The following FYTTD1 variants were observed in gnomAD, a reference collection of about 807,000 sequenced individuals.
The protein encoded by FYTTD1 is UAP56-interacting factor.
FYTTD1 carries 22 observed loss-of-function variants against 40.9 expected under a neutral mutation model. The ratio of observed to expected loss-of-function variants is 0.54; its 90% CI spans 0.38 to 0.77. The LOEUF (loss-of-function observed/expected upper bound fraction) is 0.77. Among genes scored for constraint, FYTTD1 ranks in the 30% least tolerant of loss-of-function variants. The probability of loss-of-function intolerance (pLI) is 0.00; values close to 1 mark genes in which losing one functional copy is unlikely to be tolerated. For synonymous variants in FYTTD1, 140 were observed against 137.9 expected (o/e 1.01, Z -0.10); for missense variants, 351 against 392.2 (o/e 0.90, Z 0.89).
At chr3:197,759,489 C>T (rs1281496467) in intron 2 of FYTTD1, among the ~76,000 whole-genome samples, 1 of 150,578 alleles carries the variant, frequency 6.6e-6, no homozygotes. Context: ...TGGAGTTGTT[C>T]CTCAGTGGTA....
At chr3:197,775,405 T>C (rs1405244445) in intron 6 of FYTTD1, among the ~76,000 whole-genome samples, 1 of 152,206 alleles carries the variant, frequency 6.6e-6, no homozygotes, top group African/African-American at 2.4e-5. Flanking sequence ...AAGGGAATTG[T>C]TGCCAGGCCC....
intron 1 of FYTTD1, among the ~76,000 whole-genome samples, chr3:197,751,448 C>A (rs1409283830): frequency 6.6e-6 from 1 of 152,162 alleles, no homozygotes; most frequent in African/African-American, 2.4e-5. Context: ...GAGTTCGAGA[C>A]CAGCCCGGGC....
chr3:197,767,948 C>G (rs1580458114), intron 2 of FYTTD1, among the ~76,000 whole-genome samples: 1 of 152,188 alleles, frequency 6.6e-6, no homozygotes, highest in East Asian at 1.9e-4. Flanking sequence ...AGTGATTCCA[C>G]TCTAGATCAG....
Position 197,784,801 on chromosome 3 carries a change from A to C in FYTTD1, c.*2892A>C, listed in dbSNP as rs1304703028. On this transcript the variant is annotated 3_prime_UTR_variant, in exon 9 of 9. Transcript: ENST00000241502. The stretch of plus-strand genomic sequence containing the variant: ...GTGACACTCTGTCTTAAAAAAACAA[A>C]AAAAAAGAATCCAGTATACTTTGCA... 2 of 152,154 alleles carry C rather than the reference A, an allele frequency of 1.3e-5. No individual in the cohort carries two copies. The highest frequency in any genetic ancestry group is 6.5e-5 in the Admixed American group (1 of 15,276). The allele number at this position is 152,154 out of a possible 1,614,324, so 9.4% of individuals were successfully genotyped here. A position where few individuals can be genotyped will look rare whatever the true frequency, so the allele number is the denominator to read the frequency against.
chr3:197,771,900 C>T (rs2109049596), intron 4 of FYTTD1, among the ~76,000 whole-genome samples: 1 of 152,020 alleles, frequency 6.6e-6, no homozygotes, highest in East Asian at 1.9e-4. Flanking sequence ...TCGAGACCAG[C>T]CTGGCCAACA....
chr3:197,758,208 G>T (rs900005885), intron 2 of FYTTD1, among the ~76,000 whole-genome samples: 1 of 152,294 alleles, frequency 6.6e-6, no homozygotes, highest in African/African-American at 2.4e-5. Context: ...GAGCCACTGC[G>T]CCTGGCCTAA....
At chr3:197,763,007 TTAAAA>T (rs1365585210) in intron 2 of FYTTD1, among the ~76,000 whole-genome samples, 4 of 152,174 alleles carry the variant, frequency 2.6e-5, no homozygotes, top group African/African-American at 9.7e-5. Context: ...TACCCCAACC[TTAAAA>T]TAAAAGTTAA....
At position 197,786,466 on chromosome 3, in the gene FYTTD1, AT is replaced by A. The variant is rs1730158378; in HGVS notation, c.*4558del. 1 of 152,166 alleles carries A rather than the reference AT, an allele frequency of 6.6e-6. No homozygotes were observed. The highest frequency in any genetic ancestry group is 1.5e-5 in the Non-Finnish European group (1 of 68,022). The allele number at this position is 152,166 out of a possible 1,614,324, so 9.4% of individuals were successfully genotyped here. On this transcript the variant is annotated 3_prime_UTR_variant, in exon 9 of 9. Transcript: ENST00000241502. ...ACAGGAAGCTTGATAACACAAGCAAATGTGATGCCATTCTGGGACTGAAATG... is the reference window on the plus strand; with the variant it reads ...ACAGGAAGCTTGATAACACAAGCAAAGTGATGCCATTCTGGGACTGAAATG...
chr3:197,769,380 C>T (rs1729644795), intron 3 of FYTTD1, among the ~76,000 whole-genome samples: 10 of 152,232 alleles, frequency 6.6e-5, no homozygotes, highest in Admixed American at 3.9e-4. Context: ...GCCACGGTGC[C>T]TGGCCAGATT....
In FYTTD1 at chr3:197,766,430, GGT is replaced by G. The variant is rs111725145; in HGVS notation, c.236-1980_236-1979del. Among the ~76,000 whole-genome samples, 468 of 135,046 alleles carry G rather than the reference GGT, an allele frequency of 3.5e-3. 2 individuals are homozygous for G. Among genetic ancestry groups the G allele is most frequent in the African/African-American group, 0.011 (404 of 36,996 alleles). The allele number at this position is 135,046 out of a possible 152,430, so 88.6% of individuals were successfully genotyped here. ...ATAGGTGTGTGTCGTGTTTGAGACT[GGT>G]GTGTGTGTGTGTGTGTGTGTGTGTG... is the stretch of plus-strand genomic sequence containing the variant. On this transcript the variant is annotated intron_variant, in intron 2 of 8. Coordinates refer to ENST00000241502, the MANE Select transcript of FYTTD1 (RefSeq NM_032288.7).
chr3:197,773,387 T>C lies in FYTTD1; in HGVS notation c.498-16T>C. ...TAGTTAAATGGCTTAGCATGGCCTA[T>C]GTGTTTTTGTTGCAGAAATAACATT... On this transcript the variant is annotated splice_polypyrimidine_tract_variant and intron_variant, in intron 4 of 8. Coordinates refer to ENST00000241502, the MANE Select transcript of FYTTD1 (RefSeq NM_032288.7). 6.8e-7 allele frequency: 1 copy of C among 1,479,370 alleles called. No homozygotes were observed. Among genetic ancestry groups the C allele is most frequent in the South Asian group, 1.2e-5 (1 of 86,350 alleles). 91.6% of individuals were successfully genotyped at this position (1,479,370 alleles called of 1,614,324 possible). A position where few individuals can be genotyped will look rare whatever the true frequency, so the allele number is the denominator to read the frequency against.
chr3:197,758,874 C>T (rs1254320564), intron 2 of FYTTD1, among the ~76,000 whole-genome samples: 1 of 152,208 alleles, frequency 6.6e-6, no homozygotes, highest in Admixed American at 6.5e-5. Context: ...GAGCTCTTTG[C>T]AGATCCGCGG....
At chr3:197,750,437 C>T (rs1728980859) in intron 1 of FYTTD1, 3 of 1,011,544 alleles carry the variant, frequency 3.0e-6, no homozygotes, top group South Asian at 4.6e-5. Flanking sequence ...CTGCCGGTTT[C>T]CCCGGAGCGC....
At chr3:197,762,978 CCTG>C (rs1180511746) in intron 2 of FYTTD1, among the ~76,000 whole-genome samples, 1 of 152,116 alleles carries the variant, frequency 6.6e-6, no homozygotes, top group Non-Finnish European at 1.5e-5. Context: ...GTGTAACAAA[CCTG>C]CACATCCTGC....
intron 2 of FYTTD1, among the ~76,000 whole-genome samples, chr3:197,762,395 C>T (rs2109042207): frequency 6.6e-6 from 1 of 150,490 alleles, no homozygotes; most frequent in Middle Eastern, 3.4e-3. Flanking sequence ...TCGAGAGCAG[C>T]CTGGCCAATA....
At chr3:197,777,651 G>A (rs977884897) in intron 7 of FYTTD1, among the ~76,000 whole-genome samples, 1 of 152,086 alleles carries the variant, frequency 6.6e-6, no homozygotes, top group African/African-American at 2.4e-5. Flanking sequence ...ACAGACCTAC[G>A]TTCTCTTTAA....
chr3:197,772,291 G>C (rs1729743509), intron 4 of FYTTD1, among the ~76,000 whole-genome samples: 1 of 152,162 alleles, frequency 6.6e-6, no homozygotes, highest in African/African-American at 2.4e-5. Context: ...TTGGAGGTAA[G>C]ACTAGGGAAT....
At chr3:197,750,536 C>T (rs1313813245) in intron 1 of FYTTD1, 16 of 985,504 alleles carry the variant, frequency 1.6e-5, no homozygotes, top group East Asian at 1.1e-4. Context: ...CCGGCCGGGG[C>T]TGCGGTCGGT....
intron 1 of FYTTD1, among the ~76,000 whole-genome samples, chr3:197,753,811 AGT>A (rs1729135695): frequency 2.6e-5 from 4 of 152,072 alleles, no homozygotes; most frequent in Non-Finnish European, 5.9e-5. Flanking sequence ...GCTGGAGTGC[AGT>A]GGCACGATCT....
Sources: gnomAD v4.1 joint callset for allele counts (sites outside exome capture counted in the v4.1 genomes callset) on GRCh38, gnomAD v4.1.1 for gene constraint, MANE v1.5 for transcripts, NCBI Gene and HGNC (gene_info 2026-07-23, HGNC 2026-07-21) for gene names.